FGF12: variants seen among roughly 807,000 people sequenced by gnomAD.
FGF12 encodes fibroblast growth factor 12B.
In FGF12, 14 loss-of-function variants were observed where a neutral mutation model predicts 23.6. That is an observed-to-expected ratio of 0.59 (90% confidence interval 0.39 to 0.93). The LOEUF is 0.93. FGF12 is among the 40% of genes least tolerant of loss of function. The pLI, the probability that FGF12 is intolerant of heterozygous loss-of-function variation, is 0.00. For synonymous variants in FGF12, 62 were observed against 77.3 expected, an observed-to-expected ratio of 0.80 and a Z score of 1.04; for missense variants, 175 against 217.8, an observed-to-expected ratio of 0.80 and a Z score of 1.24.
At position 192,692,177 on chromosome 3, in the gene FGF12, A is replaced by G. The variant is rs56286212; in HGVS notation, c.13+35004T>C. 3.2e-3 allele frequency among the ~76,000 whole-genome samples: 485 copies of G among 152,338 alleles called. 5 individuals carry two copies. The highest frequency in any genetic ancestry group is 0.011 in the African/African-American group (471 of 41,578). ...AAACCCATTTTATGAGGCCACTATTATCCTGATATGAAGGCCGGAAAAATA... is the reference window on the plus strand; with the variant it reads ...AAACCCATTTTATGAGGCCACTATTGTCCTGATATGAAGGCCGGAAAAATA... On this transcript the variant is annotated intron_variant, in intron 2 of 5. Coordinates refer to ENST00000445105, the MANE Select transcript of FGF12 (RefSeq NM_004113.6).
chr3:192,477,976 G>T (rs1334883496), intron 2 of FGF12, among the ~76,000 whole-genome samples: 1 of 152,092 alleles, frequency 6.6e-6, no homozygotes, highest in Non-Finnish European at 1.5e-5. Context: ...GCATCCATAG[G>T]TTACCTCTTT....
chr3:192,583,226 C>T (rs1410197036), intron 2 of FGF12, among the ~76,000 whole-genome samples: 1 of 152,194 alleles, frequency 6.6e-6, no homozygotes, highest in Non-Finnish European at 1.5e-5. Context: ...ATATCACTGG[C>T]TTCGTGCTCT....
Position 192,514,591 on chromosome 3 carries a change from C to G in FGF12, c.14-154053G>C, listed in dbSNP as rs1724599470. On this transcript the variant is annotated intron_variant, in intron 2 of 5. Coordinates refer to ENST00000445105, the MANE Select transcript of FGF12 (RefSeq NM_004113.6). This position sits in a 1 kb window ranked among gnomAD's most constrained non-coding sequence, Gnocchi z 4.9. ...CAGCGCTGAATGAAGCAGAGGAGGG[C>G]GGCGGAGAGGGCCCCGGAAGAAGGG... The G allele has an allele frequency of 1.5e-6, 1 of 659,618 alleles. No individual in the cohort carries two copies. Among genetic ancestry groups the G allele is most frequent in the African/African-American group, 2.0e-5 (1 of 50,978 alleles). The allele number at this position is 659,618 out of a possible 1,614,324, so 40.9% of individuals were successfully genotyped here. A position where few individuals can be genotyped will look rare whatever the true frequency, so the allele number is the denominator to read the frequency against.
At chr3:192,549,444 A>G (rs781624698) in intron 2 of FGF12, among the ~76,000 whole-genome samples, 1 of 152,196 alleles carries the variant, frequency 6.6e-6, no homozygotes, top group Non-Finnish European at 1.5e-5. Flanking sequence ...AATAATGATT[A>G]TTCATGGTAA....
At chr3:192,570,820 GA>G (rs1378722323) in intron 2 of FGF12, among the ~76,000 whole-genome samples, 1 of 151,976 alleles carries the variant, frequency 6.6e-6, no homozygotes, top group Non-Finnish European at 1.5e-5. Flanking sequence ...ATATGTATAA[GA>G]AAAAATAAAA....
chr3:192,175,674 C>T (rs1435956421), intron 4 of FGF12, among the ~76,000 whole-genome samples: 2 of 152,086 alleles, frequency 1.3e-5, no homozygotes, highest in African/African-American at 4.8e-5. Flanking sequence ...AATACCTGTC[C>T]ACCCTAGCCT....
At chr3:192,642,260 C>G (rs1409063544) in intron 2 of FGF12, among the ~76,000 whole-genome samples, 7 of 152,194 alleles carry the variant, frequency 4.6e-5, no homozygotes, top group Admixed American at 2.6e-4. Context: ...GAAATAATTA[C>G]TATTGCTGCA....
chr3:192,503,603 GTT>G (rs3074674), intron 2 of FGF12, among the ~76,000 whole-genome samples: 5 of 99,104 alleles, frequency 5.0e-5, no homozygotes, highest in African/African-American at 7.8e-5. Flanking sequence ...GTGTGTGTGT[GTT>G]TTTTTTTTTT....
chr3:192,410,260 T>C (rs900650746), intron 2 of FGF12, among the ~76,000 whole-genome samples: 12 of 151,972 alleles, frequency 7.9e-5, no homozygotes, highest in African/African-American at 2.7e-4. Context: ...CCTTCTTTCC[T>C]CCCTCCCTCC....
intron 4 of FGF12, among the ~76,000 whole-genome samples, chr3:192,228,735 T>C (rs1457361214): frequency 1.3e-5 from 2 of 152,098 alleles, no homozygotes; most frequent in Non-Finnish European, 2.9e-5. Context: ...TCATGTTTCC[T>C]TAGGGCATAG....
intron 2 of FGF12, among the ~76,000 whole-genome samples, chr3:192,617,419 A>G (rs1714800819): frequency 6.6e-6 from 1 of 152,048 alleles, no homozygotes; most frequent in African/African-American, 2.4e-5. Context: ...ACAAAGTGAT[A>G]AAGGGGGTCA....
chr3:192,273,465 C>G lies in FGF12; in HGVS notation c.228+61896G>C, dbSNP rs936268834. On this transcript the variant is annotated intron_variant, in intron 4 of 5. Coordinates refer to ENST00000445105, the MANE Select transcript of FGF12 (RefSeq NM_004113.6). ...CAAACATAGGGCCTCTAAGAGAGTC[C>G]TGCATGCTAGGCAATATTTAGAGTT... Among the ~76,000 whole-genome samples, 5 of 152,260 alleles carry G rather than the reference C, an allele frequency of 3.3e-5. No homozygotes were observed. The South Asian group carries it at 1.0e-3, about 32-fold the overall frequency.
intron 4 of FGF12, among the ~76,000 whole-genome samples, chr3:192,229,335 T>A (rs1475112839): frequency 6.6e-6 from 1 of 152,020 alleles, no homozygotes; most frequent in Non-Finnish European, 1.5e-5. Context: ...AGAAAAATGA[T>A]TATCTTCCTC....
intron 2 of FGF12, among the ~76,000 whole-genome samples, chr3:192,478,577 AAG>A (rs1273349770): frequency 2.0e-5 from 3 of 152,158 alleles, no homozygotes; most frequent in Admixed American, 2.0e-4. Context: ...TAACTTTTCA[AAG>A]AGTCTACTGT....
rs759909454 is a variant in FGF12 at position 192,197,994 on chromosome 3, CA to C, written c.229-27339del. On this transcript the variant is annotated intron_variant, in intron 4 of 5. Transcript: ENST00000445105. ...AAAGTCCTCCGGGGGTCCCGAGTGC[CA>C]AACTACAAAGCCAACTTTTTTTTTT... Among the ~76,000 whole-genome samples, 30 of 147,258 alleles carry C rather than the reference CA, an allele frequency of 2.0e-4. No individual in the cohort carries two copies. The East Asian group carries it at 3.6e-3, about 18-fold the overall frequency.
At chr3:192,675,182 C>T (rs1560190647) in intron 2 of FGF12, among the ~76,000 whole-genome samples, 1 of 152,056 alleles carries the variant, frequency 6.6e-6, no homozygotes, top group African/African-American at 2.4e-5. Context: ...ACTGGCTAGA[C>T]CTGGATGGTC....
Position 192,334,929 on chromosome 3 carries a change from C to G in FGF12, c.228+432G>C, listed in dbSNP as rs1219780840. On this transcript the variant is annotated intron_variant, in intron 4 of 5. Transcript: ENST00000445105. ...ATAGACCTACTAAATACAAACAAAG[C>G]CACAATCTTTCACAAATTATGAACG... Among the ~76,000 whole-genome samples, 3 of 152,040 alleles carry G rather than the reference C, an allele frequency of 2.0e-5. No homozygotes were observed. In the East Asian group the frequency reaches 5.8e-4, roughly 29 times the overall value.
intron 4 of FGF12, among the ~76,000 whole-genome samples, chr3:192,263,893 T>C (rs928095127): frequency 1.3e-5 from 2 of 152,074 alleles, no homozygotes; most frequent in African/African-American, 4.8e-5. Context: ...TCCAACAAAA[T>C]ATCTTATTCT....
At chr3:192,616,414 C>T (rs1311507475) in intron 2 of FGF12, among the ~76,000 whole-genome samples, 3 of 151,966 alleles carry the variant, frequency 2.0e-5, no homozygotes, top group Admixed American at 1.3e-4. Flanking sequence ...ATAAAAGCCT[C>T]AGCCATCACA....
Sources: gnomAD v4.1 joint callset for allele counts (sites outside exome capture counted in the v4.1 genomes callset) on GRCh38, gnomAD v4.1.1 for gene constraint, Gnocchi (gnomAD v3.1) non-coding constraint, MANE v1.5 for transcripts, NCBI Gene and HGNC (gene_info 2026-07-23, HGNC 2026-07-21) for gene names.